The following KLHL2 variants were observed in gnomAD, a reference collection of about 807,000 sequenced individuals.
KLHL2 encodes the protein kelch-like protein 2.
A neutral mutation model predicts 75.8 loss-of-function variants in KLHL2; 15 were observed. The ratio of observed to expected loss-of-function variants is 0.20; its 90% CI spans 0.13 to 0.30. KLHL2 has a LOEUF of 0.30. Ranked by LOEUF, KLHL2 falls within the 10% of genes least tolerant of loss-of-function variation. The pLI is 1.00. For synonymous variants in KLHL2, 214 were observed against 251.9 expected (o/e 0.85, Z 1.42); for missense variants, 381 against 741.0 (o/e 0.51, Z 5.64).
At chr4:165,242,766 G>A (rs993948627) in intron 4 of KLHL2, among the ~76,000 whole-genome samples, 1 of 152,052 alleles carries the variant, frequency 6.6e-6, no homozygotes, top group Non-Finnish European at 1.5e-5. Flanking sequence ...TCAAGTGCTG[G>A]GATTATAGGC....
At chr4:165,289,838 T>C (rs1413826858) in intron 5 of KLHL2, among the ~76,000 whole-genome samples, 2 of 152,338 alleles carry the variant, frequency 1.3e-5, no homozygotes, top group East Asian at 3.9e-4. Flanking sequence ...CTCTCAGTTA[T>C]GTTTGTTACC....
chr4:165,292,467 G>A (rs1274037575), intron 5 of KLHL2, among the ~76,000 whole-genome samples: 4 of 151,966 alleles, frequency 2.6e-5, no homozygotes, highest in African/African-American at 4.8e-5. Flanking sequence ...CAAGTAGCTG[G>A]GAGTACAGGT....
chr4:165,263,802 ATTGTTT>A (rs1402843247), intron 5 of KLHL2, among the ~76,000 whole-genome samples: 63 of 93,554 alleles, frequency 6.7e-4, no homozygotes, highest in African/African-American at 2.0e-3. Flanking sequence ...GATTTTTTAC[ATTGTTT>A]TTTTTTTTTT....
intron 5 of KLHL2, among the ~76,000 whole-genome samples, chr4:165,272,394 C>T (rs1217208187): frequency 2.0e-5 from 3 of 152,112 alleles, no homozygotes; most frequent in Non-Finnish European, 2.9e-5. Context: ...GAAAATATTA[C>T]TTCTAAATTC....
At chr4:165,283,061 G>A (rs1274782282) in intron 5 of KLHL2, among the ~76,000 whole-genome samples, 3 of 152,022 alleles carry the variant, frequency 2.0e-5, no homozygotes, top group Admixed American at 2.0e-4. Context: ...TCACTATCAC[G>A]AGAACAGCAT....
chr4:165,311,981 G>T (rs1014693930), intron 11 of KLHL2, among the ~76,000 whole-genome samples: 1 of 152,066 alleles, frequency 6.6e-6, no homozygotes, highest in African/African-American at 2.4e-5. Context: ...GGGGTGGGTT[G>T]GGGGGATGGT....
chr4:165,266,899 A>C (rs981460351), intron 5 of KLHL2, among the ~76,000 whole-genome samples: 8 of 151,956 alleles, frequency 5.3e-5, no homozygotes, highest in African/African-American at 1.9e-4. Context: ...GAATCTATAA[A>C]TTACCTTGGG....
intron 13 of KLHL2, among the ~76,000 whole-genome samples, chr4:165,314,507 T>C (rs1746455745): frequency 6.6e-6 from 1 of 152,192 alleles, no homozygotes; most frequent in Non-Finnish European, 1.5e-5. Context: ...AGATATAATT[T>C]AGTGCCTACT....
At chr4:165,272,534 C>T (rs1477330107) in intron 5 of KLHL2, among the ~76,000 whole-genome samples, 1 of 152,042 alleles carries the variant, frequency 6.6e-6, no homozygotes, top group South Asian at 2.1e-4. Flanking sequence ...TTTATCTTTC[C>T]TGGGCTGCCA....
intron 4 of KLHL2, among the ~76,000 whole-genome samples, chr4:165,246,967 G>C (rs147019526): frequency 0.086 from 13,049 of 152,086 alleles, 629 homozygotes; most frequent in Middle Eastern, 0.13. Context: ...TGAGGGAGAT[G>C]GAGTACTGGT....
chr4:165,268,976 CT>C (rs1486956718), intron 5 of KLHL2, among the ~76,000 whole-genome samples: 1 of 152,138 alleles, frequency 6.6e-6, no homozygotes, highest in African/African-American at 2.4e-5. Flanking sequence ...TCTCTAAGGA[CT>C]TGCTTTATGA....
chr4:165,299,886 T>C (rs1262987105), intron 8 of KLHL2, among the ~76,000 whole-genome samples: 5 of 152,238 alleles, frequency 3.3e-5, no homozygotes, highest in African/African-American at 4.8e-5. Context: ...ATGATGTCAC[T>C]CTTCTGGAAC....
intron 3 of KLHL2, among the ~76,000 whole-genome samples, chr4:165,231,730 G>T (rs1258622824): frequency 3.3e-5 from 5 of 152,184 alleles, no homozygotes; most frequent in Non-Finnish European, 7.3e-5. Flanking sequence ...TTCATGTGCA[G>T]TTCTTTGTGT....
At chr4:165,293,707 G>A (rs1057243491) in intron 5 of KLHL2, among the ~76,000 whole-genome samples, 10 of 144,328 alleles carry the variant, frequency 6.9e-5, no homozygotes, top group Non-Finnish European at 1.2e-4. Flanking sequence ...TAGTAGAGAC[G>A]GGGTTTCACT....
intron 1 of KLHL2, among the ~76,000 whole-genome samples, chr4:165,216,777 G>T (rs1278291747): frequency 6.6e-6 from 1 of 152,072 alleles, no homozygotes; most frequent in Non-Finnish European, 1.5e-5. Flanking sequence ...GAAAATGGAC[G>T]TTTGCAGAAG....
At chr4:165,252,196 C>T (rs527603571) in intron 4 of KLHL2, among the ~76,000 whole-genome samples, 1 of 151,890 alleles carries the variant, frequency 6.6e-6, no homozygotes, top group East Asian at 1.9e-4. Context: ...AAATCAAAGT[C>T]CTTACTAGAA....
intron 4 of KLHL2, among the ~76,000 whole-genome samples, chr4:165,241,017 T>G (rs1739778504): frequency 6.6e-6 from 1 of 152,222 alleles, no homozygotes; most frequent in Admixed American, 6.5e-5. Flanking sequence ...TTGCCTCTTG[T>G]GTATATATTG....
In KLHL2 at chr4:165,322,357, A is replaced by G. The variant is rs1486572928; in HGVS notation, c.*297A>G. The G allele has an allele frequency of 3.4e-6, 1 of 295,260 alleles. No homozygotes were observed. Among genetic ancestry groups the G allele is most frequent in the Non-Finnish European group, 6.3e-6 (1 of 159,794 alleles). The allele number at this position is 295,260 out of a possible 1,614,324, so 18.3% of individuals were successfully genotyped here. ...GCTTTCATAAAGACTAGTTCTTATC[A>G]ACCTTGAATGACTACAGATTATTTT... On this transcript the variant is annotated 3_prime_UTR_variant, in exon 15 of 15. Transcript: ENST00000226725.
chr4:165,226,684 A>G (rs1276907797), intron 2 of KLHL2, among the ~76,000 whole-genome samples: 1 of 152,188 alleles, frequency 6.6e-6, no homozygotes, highest in Non-Finnish European at 1.5e-5. Flanking sequence ...TTTATTAGCT[A>G]TATATAGAAC....
Sources: allele counts gnomAD v4.1 joint callset (sites outside exome capture counted in the v4.1 genomes callset), GRCh38; gene constraint gnomAD v4.1.1; transcripts MANE v1.5; gene names NCBI Gene and HGNC (gene_info 2026-07-23, HGNC 2026-07-21).